The following ARHGEF4 variants were observed in gnomAD, a reference collection of about 807,000 sequenced individuals.
ARHGEF4 encodes APC-stimulated guanine nucleotide exchange factor 1.
Under a neutral mutation model 162.0 loss-of-function variants are expected in ARHGEF4, and 119 were observed. The observed-to-expected ratio is 0.73, with a 90% CI of 0.63 to 0.86. The LOEUF (loss-of-function observed/expected upper bound fraction) is 0.86, where lower values mean the gene tolerates loss of function less well. Among genes scored for constraint, ARHGEF4 ranks in the 40% least tolerant of loss-of-function variants. ARHGEF4 has a pLI of 0.00. For synonymous variants in ARHGEF4, 1,014 were observed against 979.9 expected (o/e 1.03, Z -0.65); for missense variants, 2,488 against 2,456.0 (o/e 1.01, Z -0.28).
intron 4 of ARHGEF4, among the ~76,000 whole-genome samples, chr2:131,011,285 C>G (rs1331314190): frequency 6.6e-6 from 1 of 152,230 alleles, no homozygotes; most frequent in Non-Finnish European, 1.5e-5. Flanking sequence ...AGCCCCTTCA[C>G]CCACCCTTAG....
rs924191746 is a variant in ARHGEF4, at chr2:130,915,370, G to A, written c.1424G>A (p.Gly475Asp). Reference protein sequence around the residue: ...SPESRTQEPQGTQLAPRAADE... With the variant: ...SPESRTQEPQDTQLAPRAADE... ...GAAAGCAGAACCCAGGAACCCCAAG[G>A]CACCCAACTCGCACCAAGAGCTGCT... The change falls in exon 2 of 14, where the codon GGC (glycine) becomes GAC (aspartate). Residue 475 changes from glycine (G) to aspartate (D), a missense_variant. This residue lies in a region of ARHGEF4 where 1,642 missense variants were observed against 1,481.5 expected (regional missense o/e 1.11). Coordinates refer to ENST00000409359, the MANE Select transcript of ARHGEF4 (RefSeq NM_001367493.1). 5 of 1,550,486 alleles carry A rather than the reference G, an allele frequency of 3.2e-6. No homozygotes were observed. Among genetic ancestry groups the A allele is most frequent in the African/African-American group, 2.7e-5 (2 of 73,020 alleles).
intron 1 of ARHGEF4, among the ~76,000 whole-genome samples, chr2:130,848,737 C>T (rs559326678): frequency 1.3e-5 from 2 of 152,264 alleles, no homozygotes; most frequent in African/African-American, 2.4e-5. Flanking sequence ...ACTTGCCTCC[C>T]GGTCTGCAGG....
chr2:130,900,652 G>T (rs1680432363), intron 1 of ARHGEF4, among the ~76,000 whole-genome samples: 1 of 152,042 alleles, frequency 6.6e-6, no homozygotes, highest in Non-Finnish European at 1.5e-5. Flanking sequence ...CAAAATCTTT[G>T]TTGGGTTGTT....
intron 4 of ARHGEF4, among the ~76,000 whole-genome samples, chr2:131,012,938 A>G (rs1688557606): frequency 1.3e-5 from 2 of 152,210 alleles, no homozygotes; most frequent in South Asian, 2.1e-4. Flanking sequence ...GAAGTCTACC[A>G]ATATTTTCTT....
rs2105371687 is a variant in ARHGEF4 at position 131,029,374 on chromosome 2, A to G, written c.4125+1290A>G. Among the ~76,000 whole-genome samples the G allele has an allele frequency of 2.0e-5, 3 of 152,174 alleles. 1 individual carries two copies. In the South Asian group the frequency reaches 6.2e-4, roughly 32 times the overall value. ...ACTCCATCTCAAAAATAAAAATAAA[A>G]CAGTCGTTAAATAATGCGCTACTCA... On this transcript the variant is annotated intron_variant, in intron 5 of 13. Coordinates refer to ENST00000409359, the MANE Select transcript of ARHGEF4 (RefSeq NM_001367493.1).
At chr2:130,847,832 A>T (rs1355788155) in intron 1 of ARHGEF4, among the ~76,000 whole-genome samples, 2 of 152,222 alleles carry the variant, frequency 1.3e-5, no homozygotes, top group Non-Finnish European at 2.9e-5. Flanking sequence ...TTGAAGGCCC[A>T]TCCGTGTGCT....
intron 1 of ARHGEF4, among the ~76,000 whole-genome samples, chr2:130,846,274 G>A (rs1377751946): frequency 6.6e-6 from 1 of 152,202 alleles, no homozygotes; most frequent in Non-Finnish European, 1.5e-5. Context: ...CCAGGGCCTA[G>A]GGCCTGGGAA....
intron 1 of ARHGEF4, among the ~76,000 whole-genome samples, chr2:130,904,247 C>T (rs1200305483): frequency 6.6e-6 from 1 of 152,126 alleles, no homozygotes; most frequent in Non-Finnish European, 1.5e-5. Context: ...TGGTGTTGGC[C>T]TCTGTTGATT....
chr2:130,917,758 CT>C (rs1160515353), intron 2 of ARHGEF4, among the ~76,000 whole-genome samples: 1 of 151,728 alleles, frequency 6.6e-6, no homozygotes, highest in Non-Finnish European at 1.5e-5. Flanking sequence ...TTTGAATTTT[CT>C]TTTGTATGAA....
At chr2:130,997,597 A>G (rs1038073868) in intron 4 of ARHGEF4, among the ~76,000 whole-genome samples, 2 of 152,162 alleles carry the variant, frequency 1.3e-5, no homozygotes, top group African/African-American at 2.4e-5. Flanking sequence ...GGATTTTGGC[A>G]ATAACCTTTG....
intron 4 of ARHGEF4, among the ~76,000 whole-genome samples, chr2:131,013,202 C>T (rs1356141992): frequency 6.6e-6 from 1 of 152,140 alleles, no homozygotes; most frequent in Non-Finnish European, 1.5e-5. Context: ...CTAAGGTGCC[C>T]AGCTCTCACC....
rs1201589987 is a variant in ARHGEF4 at position 131,027,970 on chromosome 2, A to G, written c.4011A>G (p.Thr1337=). 1.2e-6 allele frequency: 2 copies of G among 1,614,078 alleles called. No homozygotes were observed. The highest frequency in any genetic ancestry group is 1.7e-6 in the Non-Finnish European group (2 of 1,180,026). ...CCATGCCTGATGGAGCTCTGGACAC[A>G]GCTGTCTGCGCTGACGAAGTGGGGA... The part of the protein sequence containing the change: ...GTAMPDGALD[T]AVCADEVGSE... Residue 1337 remains threonine, a synonymous_variant, in exon 5 of 14, where the codon ACA becomes ACG. Transcript: ENST00000409359.
At chr2:130,912,059 C>T (rs1406321817) in intron 1 of ARHGEF4, among the ~76,000 whole-genome samples, 2 of 152,234 alleles carry the variant, frequency 1.3e-5, no homozygotes, top group Admixed American at 6.5e-5. Context: ...GGGCTGCAAG[C>T]GCCCTGCAGG....
intron 4 of ARHGEF4, among the ~76,000 whole-genome samples, chr2:130,993,852 G>T (rs1364212155): frequency 6.6e-6 from 1 of 152,002 alleles, no homozygotes; most frequent in Non-Finnish European, 1.5e-5. Flanking sequence ...TGTGATCTTG[G>T]CTGTCACTGC....
In ARHGEF4 at chr2:131,043,601, C is replaced by T; in HGVS notation, c.5157+18C>T. ...GTAAGAAGGTACCAGAGCTGCTCTG[C>T]CCTGCTGCCCCAAGTTGAGCAAGTG... On this transcript the variant is annotated intron_variant, in intron 11 of 13. Coordinates refer to ENST00000409359, the MANE Select transcript of ARHGEF4 (RefSeq NM_001367493.1). 2.5e-6 allele frequency: 4 copies of T among 1,613,542 alleles called. No individual in the cohort carries two copies. Among genetic ancestry groups the T allele is most frequent in the Non-Finnish European group, 3.4e-6 (4 of 1,179,780 alleles).
chr2:130,998,457 C>G (rs1184447670), intron 4 of ARHGEF4, among the ~76,000 whole-genome samples: 5 of 152,110 alleles, frequency 3.3e-5, no homozygotes, highest in Non-Finnish European at 1.5e-5. Flanking sequence ...CCTAATGATC[C>G]CCTGCACTCC....
intron 1 of ARHGEF4, among the ~76,000 whole-genome samples, chr2:130,848,634 A>G (rs1220937014): frequency 6.6e-6 from 1 of 152,138 alleles, no homozygotes; most frequent in Non-Finnish European, 1.5e-5. Flanking sequence ...CGCTTGAGTG[A>G]TCCTGTCTCT....
chr2:131,013,209 C>T (rs996336318), intron 4 of ARHGEF4, among the ~76,000 whole-genome samples: 4 of 152,182 alleles, frequency 2.6e-5, no homozygotes, highest in African/African-American at 9.7e-5. Flanking sequence ...GCCCAGCTCT[C>T]ACCAGCCTGG....
At chr2:130,959,695 T>C (rs1684521086) in intron 4 of ARHGEF4, among the ~76,000 whole-genome samples, 1 of 152,212 alleles carries the variant, frequency 6.6e-6, no homozygotes, top group South Asian at 2.1e-4. Flanking sequence ...GTATTCCTAT[T>C]TGTGGATAAG....
Sources: gnomAD v4.1 joint callset for allele counts (sites outside exome capture counted in the v4.1 genomes callset) on GRCh38, gnomAD v4.1.1 for gene constraint, gnomAD v4.1.1 regional missense constraint, MANE v1.5 for transcripts, NCBI Gene and HGNC (gene_info 2026-07-23, HGNC 2026-07-21) for gene names.